Variants in KCNIP3 observed in about 807,000 individuals in gnomAD.
KCNIP3 encodes calsenilin.
KCNIP3 carries 28 observed loss-of-function variants against 35.0 expected under a neutral mutation model. The ratio of observed to expected loss-of-function variants is 0.80; its 90% confidence interval spans 0.59 to 1.10. The LOEUF is 1.10. KCNIP3 is among the 50% of genes least tolerant of loss of function. The pLI, the probability that KCNIP3 is intolerant of heterozygous loss-of-function variation, is 0.00. For missense variants in KCNIP3, 295 were observed against 338.4 expected (o/e 0.87, Z 1.01); for synonymous variants, 134 against 133.8 (o/e 1.00, Z -0.01).
chr2:95,317,628 C>A (rs1437416629), intron 2 of KCNIP3, among the ~76,000 whole-genome samples: 1 of 152,084 alleles, frequency 6.6e-6, no homozygotes, highest in African/African-American at 2.4e-5. Flanking sequence ...ACACTGGGGA[C>A]AAGCTGAGAC....
chr2:95,364,554 C>T (rs145678895), intron 2 of KCNIP3, among the ~76,000 whole-genome samples: 1 of 152,130 alleles, frequency 6.6e-6, no homozygotes, highest in Non-Finnish European at 1.5e-5. Flanking sequence ...GAATCACGGG[C>T]GCGGATCCCT....
chr2:95,381,509 T>G (rs1351747836), intron 5 of KCNIP3, 87 bp from the exon 6 acceptor site: 2 of 958,660 alleles, frequency 2.1e-6, no homozygotes, highest in African/African-American at 1.6e-5. Context: ...GTTGGAGGCG[T>G]GAATTTCAGT....
chr2:95,329,837 C>CT (rs2104243085), intron 2 of KCNIP3, among the ~76,000 whole-genome samples: 1 of 152,376 alleles, frequency 6.6e-6, no homozygotes, highest in Admixed American at 6.5e-5. Flanking sequence ...CTTACTCATG[C>CT]TTTCTTAAAA....
intron 1 of KCNIP3, among the ~76,000 whole-genome samples, chr2:95,304,619 C>G (rs1391281368): frequency 1.3e-5 from 2 of 152,226 alleles, no homozygotes; most frequent in Non-Finnish European, 2.9e-5. Flanking sequence ...CCCTGGCAAG[C>G]TGCATGAGAA....
At chr2:95,380,132 A>T (rs1302457989) in intron 5 of KCNIP3, among the ~76,000 whole-genome samples, 5 of 152,148 alleles carry the variant, frequency 3.3e-5, no homozygotes, top group Non-Finnish European at 5.9e-5. Flanking sequence ...CACTTCATGG[A>T]AGATTCCATT....
At chr2:95,302,104 A>G (rs1010940401) in intron 1 of KCNIP3, among the ~76,000 whole-genome samples, 5 of 151,822 alleles carry the variant, frequency 3.3e-5, no homozygotes, top group South Asian at 2.1e-4. Context: ...GCTTCCTGCC[A>G]TCTGTCCCGA....
At chr2:95,299,627 G>C (rs1158372180) in intron 1 of KCNIP3, among the ~76,000 whole-genome samples, 1 of 152,232 alleles carries the variant, frequency 6.6e-6, no homozygotes. Context: ...AGGAGCGAAA[G>C]ACCCGCAGTT....
chr2:95,326,034 CAT>C (rs1573492265), intron 2 of KCNIP3, among the ~76,000 whole-genome samples: 1 of 151,636 alleles, frequency 6.6e-6, no homozygotes, highest in African/African-American at 2.4e-5. Context: ...CTCATACACA[CAT>C]ACACTCATAT....
intron 2 of KCNIP3, among the ~76,000 whole-genome samples, chr2:95,367,786 A>C (rs928771973): frequency 3.0e-5 from 4 of 131,516 alleles, no homozygotes; most frequent in Non-Finnish European, 6.3e-5. Context: ...TTTGAGATGG[A>C]GTCTCGCTCT....
intron 2 of KCNIP3, among the ~76,000 whole-genome samples, chr2:95,351,722 G>A (rs1361697481): frequency 2.0e-5 from 3 of 152,232 alleles, no homozygotes. Context: ...GCTCATGCCT[G>A]TAATCCCTGC....
At chr2:95,300,799 C>T (rs1406076554) in intron 1 of KCNIP3, among the ~76,000 whole-genome samples, 1 of 152,222 alleles carries the variant, frequency 6.6e-6, no homozygotes, top group Non-Finnish European at 1.5e-5. Flanking sequence ...GTGGGGGTGG[C>T]GTGTCCCACA....
rs538418355 is a variant in KCNIP3, at chr2:95,325,992, C to A, written c.181+15472C>A. 2.0e-5 allele frequency among the ~76,000 whole-genome samples: 3 copies of A among 151,622 alleles called. No homozygotes were observed. In the South Asian group the frequency reaches 6.3e-4, roughly 32 times the overall value. On this transcript the variant is annotated intron_variant, in intron 2 of 8. Coordinates refer to ENST00000295225, the MANE Select transcript of KCNIP3 (RefSeq NM_013434.5). ...AGGCACACATACACTCCTACACACT[C>A]ACACACACTCAGACACACACATACA...
intron 1 of KCNIP3, among the ~76,000 whole-genome samples, chr2:95,306,566 C>G (rs963301712): frequency 2.6e-5 from 4 of 152,126 alleles, no homozygotes; most frequent in African/African-American, 9.7e-5. Flanking sequence ...CAGGGCTCTT[C>G]TAGGACCTGA....
chr2:95,325,915 A>G (rs1302518489), intron 2 of KCNIP3, among the ~76,000 whole-genome samples: 1 of 151,618 alleles, frequency 6.6e-6, no homozygotes, highest in South Asian at 2.1e-4. Context: ...TCACTCATAC[A>G]CATACACACT....
Position 95,297,412 on chromosome 2 carries a change from T to C in KCNIP3, c.-27T>C. On this transcript the variant is annotated 5_prime_UTR_variant, in exon 1 of 9. Transcript: ENST00000295225. ...TGCCTCGGCTGTGAAGTGGGGAGGC[T>C]GGCAACAGTTTTCTTCAGCGCCCAG... 6.6e-7 allele frequency: 1 copy of C among 1,505,616 alleles called. No individual in the cohort carries two copies. 93.3% of individuals were successfully genotyped at this position (1,505,616 alleles called of 1,614,324 possible).
At chr2:95,359,564 C>T (rs994105498) in intron 2 of KCNIP3, among the ~76,000 whole-genome samples, 9 of 152,220 alleles carry the variant, frequency 5.9e-5, no homozygotes, top group African/African-American at 2.2e-4. Flanking sequence ...GCTGGTAGCT[C>T]TGCAGTCTCA....
At chr2:95,383,109 G>A in intron 7 of KCNIP3, 123 bp from the exon 8 acceptor site, 3 of 693,888 alleles carry the variant, frequency 4.3e-6, no homozygotes, top group Non-Finnish European at 7.6e-6. Context: ...AGAGTGGAGG[G>A]AGCCCACCCG....
chr2:95,322,795 C>T (rs1351885399), intron 2 of KCNIP3, among the ~76,000 whole-genome samples: 1 of 152,206 alleles, frequency 6.6e-6, no homozygotes, highest in African/African-American at 2.4e-5. Flanking sequence ...GTTCACGGGA[C>T]GGGGCCTGCC....
intron 2 of KCNIP3, among the ~76,000 whole-genome samples, chr2:95,353,460 G>A (rs1374953995): frequency 6.6e-6 from 1 of 152,192 alleles, no homozygotes; most frequent in East Asian, 1.9e-4. Context: ...CTGCCTGGTC[G>A]AGCACACTGG....
Sources: gnomAD v4.1 joint callset for allele counts (sites outside exome capture counted in the v4.1 genomes callset) on GRCh38, gnomAD v4.1.1 for gene constraint, MANE v1.5 for transcripts, NCBI Gene and HGNC (gene_info 2026-07-23, HGNC 2026-07-21) for gene names.